Variants in ARHGAP6 observed in about 807,000 individuals in gnomAD.
The protein encoded by ARHGAP6 is rho GTPase-activating protein 6.
A neutral mutation model predicts 55.7 loss-of-function variants in ARHGAP6; 16 were observed. The ratio of observed to expected loss-of-function variants is 0.29; its 90% CI spans 0.19 to 0.44. The LOEUF is 0.44. Ranked by LOEUF, ARHGAP6 falls within the 20% of genes least tolerant of loss-of-function variation. ARHGAP6 has a pLI of 1.00. For synonymous variants in ARHGAP6, 382 were observed against 360.9 expected, an observed-to-expected ratio of 1.06 and a Z score of -0.66; for missense variants, 698 against 808.9, an observed-to-expected ratio of 0.86 and a Z score of 1.66.
At chrX:11,635,879 A>G (rs1278453792) in intron 1 of ARHGAP6, among the ~76,000 whole-genome samples, 1 of 112,263 alleles carries the variant, frequency 8.9e-6, no homozygotes, top group Non-Finnish European at 1.9e-5. Context: ...CTTGTGCTCA[A>G]GAAGGTTGCA....
At chrX:11,171,635 G>A (rs771423541) in intron 8 of ARHGAP6, among the ~76,000 whole-genome samples, 1 of 112,349 alleles carries the variant, frequency 8.9e-6, no homozygotes, top group African/African-American at 3.2e-5. Flanking sequence ...GAATATGAAC[G>A]TTTTCAAAGG....
chrX:11,315,975 T>C (rs762726092), intron 1 of ARHGAP6, among the ~76,000 whole-genome samples: 1 of 112,052 alleles, frequency 8.9e-6, no homozygotes, highest in Non-Finnish European at 1.9e-5. Flanking sequence ...GTGTTCCCCA[T>C]CTAAGTCAAT....
At chrX:11,202,614 C>T (rs1469413401) in intron 2 of ARHGAP6, among the ~76,000 whole-genome samples, 2 of 108,783 alleles carry the variant, frequency 1.8e-5, no homozygotes, top group Non-Finnish European at 3.8e-5. Context: ...TCGAGACTAG[C>T]CTGGCCAACC....
chrX:11,313,501 G>A (rs771040747), intron 1 of ARHGAP6, among the ~76,000 whole-genome samples: 1 of 111,704 alleles, frequency 9.0e-6, no homozygotes, highest in East Asian at 2.8e-4. Flanking sequence ...CAGTCACAGG[G>A]CTGGCTCCTC....
At chrX:11,390,141 A>G (rs1015908431) in intron 1 of ARHGAP6, among the ~76,000 whole-genome samples, 1 of 112,105 alleles carries the variant, frequency 8.9e-6, no homozygotes, top group Non-Finnish European at 1.9e-5. Context: ...AGCTTTCTAC[A>G]TATGGCTAGC....
chrX:11,590,989 G>A lies in ARHGAP6; in HGVS notation c.588+73252C>T, dbSNP rs747395223. Among the ~76,000 whole-genome samples, 29 of 107,599 alleles carry A rather than the reference G, an allele frequency of 2.7e-4. 1 individual carries two copies. Among genetic ancestry groups the A allele is most frequent in the African/African-American group, 8.8e-4 (26 of 29,607 alleles). The allele number at this position is 107,599 out of a possible 115,157, so 93.4% of individuals were successfully genotyped here. Reference sequence around the variant, plus strand: ...CAGGGGGCCAGGCTCAGTGGCTCACGCCTGTAATCCTAGCCAAGATGGTGA... The same window carrying A: ...CAGGGGGCCAGGCTCAGTGGCTCACACCTGTAATCCTAGCCAAGATGGTGA... On this transcript the variant is annotated intron_variant, in intron 1 of 12. Coordinates refer to ENST00000337414, the MANE Select transcript of ARHGAP6 (RefSeq NM_013427.3).
intron 1 of ARHGAP6, among the ~76,000 whole-genome samples, chrX:11,360,541 G>A (rs2048995964): frequency 9.2e-6 from 1 of 109,186 alleles, no homozygotes; most frequent in Admixed American, 9.7e-5. Flanking sequence ...CAAACCCACA[G>A]CCAATATCAT....
chrX:11,239,709 G>T (rs759668624), intron 2 of ARHGAP6, among the ~76,000 whole-genome samples: 6 of 111,230 alleles, frequency 5.4e-5, no homozygotes, highest in Admixed American at 3.8e-4. Context: ...CATGAACACC[G>T]ATTATTTGAT....
intron 1 of ARHGAP6, among the ~76,000 whole-genome samples, chrX:11,646,498 G>T (rs904607520): frequency 8.9e-6 from 1 of 111,971 alleles, no homozygotes; most frequent in Non-Finnish European, 1.9e-5. Flanking sequence ...TACAAAAATG[G>T]TTATCACAGA....
chrX:11,367,884 A>AGAATTGACC, intron 1 of ARHGAP6: 1 of 582,802 alleles, frequency 1.7e-6, no homozygotes, highest in Non-Finnish European at 2.1e-6. Flanking sequence ...AACAAGGTCA[A>AGAATTGACC]TTCTTGCCCT....
chrX:11,358,449 CTT>C (rs1220976171), intron 1 of ARHGAP6, among the ~76,000 whole-genome samples: 4 of 90,036 alleles, frequency 4.4e-5, no homozygotes, highest in Admixed American at 2.6e-4. Flanking sequence ...TTCTTTCTTT[CTT>C]TCTTTCTTTC....
At chrX:11,506,488 G>C (rs1291158274) in intron 1 of ARHGAP6, among the ~76,000 whole-genome samples, 3 of 110,557 alleles carry the variant, frequency 2.7e-5, no homozygotes, top group Non-Finnish European at 5.7e-5. Context: ...ACAACATGTG[G>C]TGTTTGGTTT....
At chrX:11,401,400 A>C (rs759958532) in intron 1 of ARHGAP6, among the ~76,000 whole-genome samples, 1 of 111,806 alleles carries the variant, frequency 8.9e-6, no homozygotes, top group Non-Finnish European at 1.9e-5. Context: ...TAATATCAAG[A>C]CCATGTTTCT....
chrX:11,579,130 A>T (rs2051636789), intron 1 of ARHGAP6, among the ~76,000 whole-genome samples: 1 of 111,184 alleles, frequency 9.0e-6, no homozygotes, highest in Non-Finnish European at 1.9e-5. Context: ...TGGCACATGC[A>T]TACATATGTA....
At chrX:11,533,654 T>C (rs888610828) in intron 1 of ARHGAP6, among the ~76,000 whole-genome samples, 2 of 112,298 alleles carry the variant, frequency 1.8e-5, no homozygotes, top group Admixed American at 1.9e-4. Flanking sequence ...TTATTGTTGG[T>C]TTGATAATCA....
chrX:11,179,768 A>G (rs1313737861), intron 6 of ARHGAP6, among the ~76,000 whole-genome samples: 1 of 64,341 alleles, frequency 1.6e-5, no homozygotes, highest in East Asian at 3.1e-4. Context: ...ATGTATACAT[A>G]TATATATATA....
chrX:11,499,505 G>A (rs142366692), intron 1 of ARHGAP6, among the ~76,000 whole-genome samples: 1,494 of 111,645 alleles, frequency 0.013, 27 homozygotes, highest in African/African-American at 0.046. Context: ...ACAAAATGGT[G>A]TCTCCTCATT....
Position 11,537,306 on chromosome X carries a change from G to C in ARHGAP6, c.588+126935C>G, listed in dbSNP as rs1005687312. Among the ~76,000 whole-genome samples the C allele has an allele frequency of 2.7e-5, 3 of 111,938 alleles. No homozygotes were observed. The Admixed American group carries it at 2.9e-4, about 11-fold the overall frequency. ...TGAGACATTTTTAGTTGTTGCAACT[G>C]AGGTTCCTACTGGTATCAAGTGGGC... On this transcript the variant is annotated intron_variant, in intron 1 of 12. Coordinates refer to ENST00000337414, the MANE Select transcript of ARHGAP6 (RefSeq NM_013427.3).
At chrX:11,503,094 C>A (rs1248693284) in intron 1 of ARHGAP6, among the ~76,000 whole-genome samples, 4 of 110,451 alleles carry the variant, frequency 3.6e-5, no homozygotes, top group Non-Finnish European at 7.6e-5. Context: ...CGGGGTTTCA[C>A]CATATTGGCC....
Sources: allele counts gnomAD v4.1 joint callset (sites outside exome capture counted in the v4.1 genomes callset), GRCh38; gene constraint gnomAD v4.1.1; transcripts MANE v1.5; gene names NCBI Gene and HGNC (gene_info 2026-07-23, HGNC 2026-07-21).